The following BOC variants were observed in gnomAD, a reference collection of about 807,000 sequenced individuals.
The protein encoded by BOC is BOC cell adhesion associated, oncogene regulated, also known as brother of CDO.
A neutral mutation model predicts 112.0 loss-of-function variants in BOC; 76 were observed. The ratio of observed to expected loss-of-function variants is 0.68; its 90% confidence interval spans 0.56 to 0.82. The LOEUF is 0.82. BOC is among the 40% of genes least tolerant of loss of function. The probability of loss-of-function intolerance (pLI) is 0.00; values close to 1 mark genes in which losing one functional copy is unlikely to be tolerated. For synonymous variants in BOC, 580 were observed against 599.8 expected, an observed-to-expected ratio of 0.97 and a Z score of 0.48; for missense variants, 1,309 against 1,511.7, an observed-to-expected ratio of 0.87 and a Z score of 2.22.
intron 2 of BOC, among the ~76,000 whole-genome samples, chr3:113,237,089 A>G (rs1943664772): frequency 6.6e-6 from 1 of 152,216 alleles, no homozygotes; most frequent in Non-Finnish European, 1.5e-5. Flanking sequence ...CACTTAGTAG[A>G]CAAGCTTTGT....
intron 2 of BOC, among the ~76,000 whole-genome samples, chr3:113,232,510 T>G (rs562093790): frequency 6.6e-6 from 1 of 152,220 alleles, no homozygotes; most frequent in African/African-American, 2.4e-5. Context: ...AAGTAAACTG[T>G]CATGACTCCA....
chr3:113,273,121 G>A lies in BOC; in HGVS notation c.1014G>A (p.Gln338=), dbSNP rs1467183364. ...ELSQLVIPWG[Q]SAKLTCEVRG... ...CCCAGCTGGTCATCCCCTGGGGCCA[G>A]AGTGCCAAGCTTACCTGTGAGGTGC... Residue 338 remains glutamine, a synonymous_variant, in exon 8 of 20, where the codon CAG becomes CAA. Coordinates refer to ENST00000682979, the MANE Select transcript of BOC (RefSeq NM_001378074.1). 13 of 1,612,028 alleles carry A rather than the reference G, an allele frequency of 8.1e-6. No individual in the cohort carries two copies. The highest frequency in any genetic ancestry group is 1.1e-5 in the Non-Finnish European group (13 of 1,178,418).
In BOC at chr3:113,267,336, G is replaced by A. The variant is rs140902394; in HGVS notation, c.377-963G>A. ...TCATACAAAGAGAGATTTGTTGTTT[G>A]GACTCTTGCATTGTTTGGGAAACAT... On this transcript the variant is annotated intron_variant, in intron 4 of 19. Coordinates refer to ENST00000682979, the MANE Select transcript of BOC (RefSeq NM_001378074.1). Among the ~76,000 whole-genome samples, 7 of 152,278 alleles carry A rather than the reference G, an allele frequency of 4.6e-5. No homozygotes were observed. In the East Asian group the frequency reaches 1.4e-3, roughly 29 times the overall value.
Position 113,271,633 on chromosome 3 carries a change from C to T in BOC, c.667+689C>T, listed in dbSNP as rs895698100. 6 of 175,618 alleles carry T rather than the reference C, an allele frequency of 3.4e-5. No homozygotes were observed. In the South Asian group the frequency reaches 6.6e-4, roughly 19 times the overall value. The allele number at this position is 175,618 out of a possible 1,614,324, so 10.9% of individuals were successfully genotyped here. ...GCCCTAACTTTGTATGTATCATTTTCCATTCTTTTTGGGGCCTCCGAAACT... is the reference window on the plus strand; with the variant it reads ...GCCCTAACTTTGTATGTATCATTTTTCATTCTTTTTGGGGCCTCCGAAACT... On this transcript the variant is annotated intron_variant, in intron 6 of 19. Coordinates refer to ENST00000682979, the MANE Select transcript of BOC (RefSeq NM_001378074.1).
chr3:113,276,474 T>G (rs574441668), intron 9 of BOC, among the ~76,000 whole-genome samples: 60 of 152,210 alleles, frequency 3.9e-4, no homozygotes, highest in Non-Finnish European at 8.2e-4. Flanking sequence ...GGCTCCAGCC[T>G]GGGGTCTCCT....
At chr3:113,262,920 G>A (rs1455399435) in intron 4 of BOC, among the ~76,000 whole-genome samples, 1 of 152,204 alleles carries the variant, frequency 6.6e-6, no homozygotes, top group Non-Finnish European at 1.5e-5. Context: ...CTACAGCCAA[G>A]TCTGTCTGAT....
Position 113,278,948 on chromosome 3 carries a change from G to A in BOC, c.1816+165G>A. 1 of 686,004 alleles carries A rather than the reference G, an allele frequency of 1.5e-6. No individual in the cohort carries two copies. The highest frequency in any genetic ancestry group is 2.4e-6 in the Non-Finnish European group (1 of 410,972). 42.5% of individuals were successfully genotyped at this position (686,004 alleles called of 1,614,324 possible). On this transcript the variant is annotated intron_variant, in intron 11 of 19. Transcript: ENST00000682979. The surrounding 1 kb of genome is among the most constrained non-coding windows in gnomAD (Gnocchi z 4.2). ...GTAGTTTGGAGCTTTTTAAATAAAA[G>A]GCTGGCATTGATGCTGGGATTGCTC...
rs76134285 is a variant in BOC at position 113,282,951 on chromosome 3, A to C, written c.2435-460A>C. On this transcript the variant is annotated intron_variant, in intron 15 of 19. Coordinates refer to ENST00000682979, the MANE Select transcript of BOC (RefSeq NM_001378074.1). The stretch of plus-strand genomic sequence containing the variant: ...TGTGTGTCCTCGTGAGTCCGGGAAC[A>C]CCTGTCCCCCTGCTGTGATCCATGC... 2.7e-3 allele frequency among the ~76,000 whole-genome samples: 416 copies of C among 152,216 alleles called. 15 individuals carry two copies. In the East Asian group the frequency reaches 0.066, roughly 24 times the overall value.
intron 4 of BOC, among the ~76,000 whole-genome samples, chr3:113,252,795 A>G (rs1479763262): frequency 1.3e-5 from 2 of 152,168 alleles, no homozygotes; most frequent in Admixed American, 6.5e-5. Flanking sequence ...AGGGTCACCC[A>G]TGGAATCTGA....
At chr3:113,254,752 T>C (rs1946049155) in intron 4 of BOC, among the ~76,000 whole-genome samples, 1 of 152,210 alleles carries the variant, frequency 6.6e-6, no homozygotes, top group Non-Finnish European at 1.5e-5. Context: ...CCTGGCAAGA[T>C]GCCACCTCCT....
rs1245482141 is a variant in BOC, at chr3:113,279,951, T to C, written c.2151T>C (p.Pro717=). Residue 717 remains proline, a synonymous_variant, in exon 13 of 20, where the codon CCT becomes CCC. Transcript: ENST00000682979. ...TGTACGAGAGGCCCGTGGCAGGTCC[T>C]TATATCACCTTCACGGATGCGGTCA... ...GRVYERPVAG[P]YITFTDAVNE... 1.9e-6 allele frequency: 3 copies of C among 1,613,708 alleles called. No individual in the cohort carries two copies. The South Asian group carries it at 3.3e-5, about 18-fold the overall frequency.
At chr3:113,257,361 A>G (rs1946343823) in intron 4 of BOC, among the ~76,000 whole-genome samples, 1 of 152,170 alleles carries the variant, frequency 6.6e-6, no homozygotes, top group Non-Finnish European at 1.5e-5. Flanking sequence ...CCTACCAGAG[A>G]TGCATTCACT....
rs1353827828 is a variant in BOC at position 113,283,471 on chromosome 3, C to T, written c.2495C>T (p.Pro832Leu). The T allele has an allele frequency of 3.7e-6, 6 of 1,614,054 alleles. No homozygotes were observed. Among genetic ancestry groups the T allele is most frequent in the South Asian group, 2.2e-5 (2 of 91,076 alleles). ...CCCCCAACTCTGGCCCCACCACAGCCGCCCCTTCCTGAAACCATAGAGCGG... is the reference window on the plus strand; with the variant it reads ...CCCCCAACTCTGGCCCCACCACAGCTGCCCCTTCCTGAAACCATAGAGCGG... ...LPPPTLAPPQ[P>L]PLPETIERPV... is the part of the protein sequence containing the mutation. The change falls in exon 16 of 20, where the codon CCG (proline) becomes CTG (leucine). Residue 832 changes from proline (P) to leucine (L), a missense_variant. Physicochemically the swap from Pro to Leu is moderately conservative, Grantham distance 98. Coordinates refer to ENST00000682979, the MANE Select transcript of BOC (RefSeq NM_001378074.1).
intron 2 of BOC, among the ~76,000 whole-genome samples, chr3:113,226,971 A>T (rs1559808230): frequency 6.6e-6 from 1 of 152,194 alleles, no homozygotes; most frequent in Non-Finnish European, 1.5e-5. Context: ...TGCCTTCAAG[A>T]CATCTATATT....
At chr3:113,228,595 T>C (rs1384692732) in intron 2 of BOC, among the ~76,000 whole-genome samples, 1 of 152,176 alleles carries the variant, frequency 6.6e-6, no homozygotes, top group East Asian at 1.9e-4. Context: ...GTGACTGTTT[T>C]ATTCATTTTA....
At chr3:113,272,849 G>T in intron 7 of BOC, 146 bp downstream of exon 7, 1 of 1,137,728 alleles carries the variant, frequency 8.8e-7, no homozygotes, top group East Asian at 2.6e-5. Flanking sequence ...GAAGAGTCAG[G>T]GCTCTTCGGA....
chr3:113,250,625 C>G lies in BOC; in HGVS notation c.168C>G (p.Gly56=). 1.2e-6 allele frequency: 2 copies of G among 1,614,208 alleles called. No individual in the cohort carries two copies. The highest frequency in any genetic ancestry group is 2.2e-5 in the South Asian group (2 of 91,080). ...VQKPGGTVIL[G]CVVEPPRMNV... ...AGCCCGGAGGCACTGTGATCTTGGG[C>G]TGCGTGGTGGAACCTCCAAGGATGA... Residue 56 remains glycine (G), a synonymous_variant, in exon 4 of 20, where the codon GGC becomes GGG. Coordinates refer to ENST00000682979, the MANE Select transcript of BOC (RefSeq NM_001378074.1).
intron 2 of BOC, among the ~76,000 whole-genome samples, chr3:113,233,148 G>GTGTGT (rs1553725801): frequency 2.0e-4 from 25 of 124,030 alleles, no homozygotes; most frequent in Admixed American, 1.7e-3. Context: ...AAAGGATTGG[G>GTGTGT]GTGTGTGTGT....
Position 113,283,608 on chromosome 3 carries a change from T to C in BOC, c.2632T>C (p.Leu878=), listed in dbSNP as rs1399636116. The C allele has an allele frequency of 6.2e-7, 1 of 1,613,580 alleles. No homozygotes were observed. Among genetic ancestry groups the C allele is most frequent in the African/African-American group, 1.3e-5 (1 of 74,746 alleles). The change falls in exon 16 of 20, where the codon TTG becomes CTG. Residue 878 remains leucine, a synonymous_variant. Coordinates refer to ENST00000682979, the MANE Select transcript of BOC (RefSeq NM_001378074.1). ...CATCGTCACCTTCATCCCCTTCTGCTTGTGGAGGGCCTGGTCTAAGCAAAG... is the reference window on the plus strand; with the variant it reads ...CATCGTCACCTTCATCCCCTTCTGCCTGTGGAGGGCCTGGTCTAAGCAAAG... The part of the protein sequence containing the change: ...LIIVTFIPFC[L]WRAWSKQKHT...
Sources: gnomAD v4.1 joint callset for allele counts (sites outside exome capture counted in the v4.1 genomes callset) on GRCh38, gnomAD v4.1.1 for gene constraint, Gnocchi (gnomAD v3.1) non-coding constraint, MANE v1.5 for transcripts, NCBI Gene and HGNC (gene_info 2026-07-23, HGNC 2026-07-21) for gene names.